NEIL3: variants seen among roughly 807,000 people sequenced by gnomAD.
The protein encoded by NEIL3 is endonuclease 8-like 3.
NEIL3 carries 48 observed loss-of-function variants against 57.5 expected under a neutral mutation model. The observed-to-expected ratio is 0.83, with a 90% confidence interval of 0.66 to 1.06. The LOEUF is 1.06. Among genes scored for constraint, NEIL3 ranks in the 50% least tolerant of loss-of-function variants. NEIL3 has a pLI of 0.00. For synonymous variants in NEIL3, 261 were observed against 253.2 expected (o/e 1.03, Z -0.29); for missense variants, 717 against 739.1 (o/e 0.97, Z 0.35).
chr4:177,313,393 T>C (rs1453900671), intron 1 of NEIL3, among the ~76,000 whole-genome samples: 1 of 152,178 alleles, frequency 6.6e-6, no homozygotes, highest in Non-Finnish European at 1.5e-5. Flanking sequence ...CCATAGAAGA[T>C]CCCAGCATCT....
At chr4:177,330,836 CT>C in intron 2 of NEIL3, among the ~76,000 whole-genome samples, 1 of 152,238 alleles carries the variant, frequency 6.6e-6, no homozygotes, top group African/African-American at 2.4e-5. Flanking sequence ...TCAAAATCTA[CT>C]GTGTATTTTA....
At chr4:177,354,532 C>T (rs958974073) in intron 8 of NEIL3, among the ~76,000 whole-genome samples, 1 of 152,000 alleles carries the variant, frequency 6.6e-6, no homozygotes, top group Non-Finnish European at 1.5e-5. Flanking sequence ...AACAGTCATG[C>T]GAGATGGTGT....
At chr4:177,364,565 C>G (rs1735667652), downstream of NEIL3, among the ~76,000 whole-genome samples, 1 of 152,188 alleles carries the variant, frequency 6.6e-6, no homozygotes. Flanking sequence ...TTCTGTGAAA[C>G]TCTGCTGATG....
intron 1 of NEIL3, among the ~76,000 whole-genome samples, chr4:177,320,546 C>T (rs10030520): frequency 0.27 from 38,452 of 140,818 alleles, 6,792 homozygotes; most frequent in African/African-American, 0.51. Flanking sequence ...GGCGTGATCT[C>T]GGCTCACTGC....
At chr4:177,315,712 C>A (rs1211665665) in intron 1 of NEIL3, among the ~76,000 whole-genome samples, 1 of 152,124 alleles carries the variant, frequency 6.6e-6, no homozygotes, top group East Asian at 1.9e-4. Flanking sequence ...AAACCATTAC[C>A]AGTATACCAG....
At chr4:177,317,719 A>G (rs1223503942) in intron 1 of NEIL3, among the ~76,000 whole-genome samples, 1 of 145,144 alleles carries the variant, frequency 6.9e-6, no homozygotes, top group Non-Finnish European at 1.5e-5. Context: ...CTCCTGCCTC[A>G]GCCTCCCAAA....
downstream of NEIL3, among the ~76,000 whole-genome samples, chr4:177,367,685 T>C (rs1302464402): frequency 6.6e-6 from 1 of 152,186 alleles, no homozygotes; most frequent in Non-Finnish European, 1.5e-5. Context: ...TTCATCTCTT[T>C]GGAGTTTATC....
At chr4:177,354,090 CAG>C (rs1012414673) in intron 8 of NEIL3, 1 of 185,202 alleles carries the variant, frequency 5.4e-6, no homozygotes, top group African/African-American at 2.4e-5. Context: ...TTTAAGAAGA[CAG>C]AAATTGTCCC....
intron 5 of NEIL3, among the ~76,000 whole-genome samples, chr4:177,340,920 G>A (rs1735078773): frequency 1.3e-5 from 2 of 151,960 alleles, no homozygotes; most frequent in Non-Finnish European, 2.9e-5. Flanking sequence ...GATGGTATTT[G>A]AATGTTTATT....
intron 6 of NEIL3, among the ~76,000 whole-genome samples, chr4:177,350,543 A>G (rs1735327897): frequency 6.6e-6 from 1 of 152,194 alleles, no homozygotes; most frequent in African/African-American, 2.4e-5. Flanking sequence ...AAACAACACA[A>G]AGAGATATCT....
At chr4:177,334,166 ATTG>A (rs1467945787) in intron 2 of NEIL3, among the ~76,000 whole-genome samples, 1 of 151,928 alleles carries the variant, frequency 6.6e-6, no homozygotes, top group Admixed American at 6.6e-5. Context: ...ATCAGTATCA[ATTG>A]TTGTCGCAGT....
chr4:177,354,977 C>A (rs920366183), intron 8 of NEIL3, among the ~76,000 whole-genome samples: 3 of 152,164 alleles, frequency 2.0e-5, no homozygotes, highest in African/African-American at 7.2e-5. Context: ...CCTCTCTTTT[C>A]CTTAATGATT....
At chr4:177,338,608 A>G (rs1735024289) in intron 4 of NEIL3, among the ~76,000 whole-genome samples, 1 of 152,244 alleles carries the variant, frequency 6.6e-6, no homozygotes, top group Admixed American at 6.5e-5. Context: ...TTTTGGGATT[A>G]CCATTGACGG....
chr4:177,334,439 T>C (rs1329225178), intron 2 of NEIL3, among the ~76,000 whole-genome samples: 2 of 152,238 alleles, frequency 1.3e-5, no homozygotes, highest in Non-Finnish European at 2.9e-5. Context: ...TGCATTTGAA[T>C]TGGGTCTTAA....
At chr4:177,315,518 G>A (rs969706052) in intron 1 of NEIL3, among the ~76,000 whole-genome samples, 1 of 152,184 alleles carries the variant, frequency 6.6e-6, no homozygotes, top group Non-Finnish European at 1.5e-5. Flanking sequence ...GGACAATTAC[G>A]TATAGTCATA....
downstream of NEIL3, among the ~76,000 whole-genome samples, chr4:177,363,579 C>G (rs1041243505): frequency 3.3e-5 from 5 of 152,186 alleles, no homozygotes; most frequent in South Asian, 8.3e-4. Context: ...AAGGAAACTG[C>G]AAGCTAATTG....
In NEIL3 at chr4:177,320,464, G is replaced by T. The variant is rs141707200; in HGVS notation, c.157-1995G>T. ...TTGTGCAGAACAGGAAGTGACTGCT[G>T]TCTTTTTTTTTTTTTTTTTTTTTTT... On this transcript the variant is annotated intron_variant, in intron 1 of 9. Transcript: ENST00000264596. Among the ~76,000 whole-genome samples the T allele has an allele frequency of 1.5e-3, 135 of 91,600 alleles. 12 individuals carry two copies. Among genetic ancestry groups the T allele is most frequent in the Non-Finnish European group, 1.5e-3 (70 of 46,218 alleles). 60.1% of individuals were successfully genotyped at this position (91,600 alleles called of 152,430 possible).
At chr4:177,326,150 T>G (rs1159976893) in intron 2 of NEIL3, among the ~76,000 whole-genome samples, 1 of 152,184 alleles carries the variant, frequency 6.6e-6, no homozygotes, top group African/African-American at 2.4e-5. Flanking sequence ...ATTTCCTTGT[T>G]TGTTTTCTTC....
At chr4:177,320,623 G>T (rs1048583239) in intron 1 of NEIL3, among the ~76,000 whole-genome samples, 4 of 150,964 alleles carry the variant, frequency 2.6e-5, no homozygotes, top group African/African-American at 9.7e-5. Context: ...GGCTACAGGC[G>T]CCCGCCACCA....
Sources: allele counts gnomAD v4.1 joint callset (sites outside exome capture counted in the v4.1 genomes callset), GRCh38; gene constraint gnomAD v4.1.1; transcripts MANE v1.5; gene names NCBI Gene and HGNC (gene_info 2026-07-23, HGNC 2026-07-21).